Variants in PRMT9 observed in about 807,000 individuals in gnomAD.
PRMT9 encodes the protein protein arginine methyltransferase 9.
PRMT9 carries 59 observed loss-of-function variants against 83.2 expected under a neutral mutation model. That is an observed-to-expected ratio of 0.71 (90% CI 0.57 to 0.88). The LOEUF is 0.88. PRMT9 is among the 40% of genes least tolerant of loss of function. The pLI is 0.00. For missense variants in PRMT9, 947 were observed against 1,021.9 expected, an observed-to-expected ratio of 0.93 and a Z score of 1.00; for synonymous variants, 333 against 353.2, an observed-to-expected ratio of 0.94 and a Z score of 0.64.
At position 147,646,210 on chromosome 4, in the gene PRMT9, A is replaced by C. The variant is rs1445989875; in HGVS notation, c.2046-3270T>G. 2.0e-5 allele frequency among the ~76,000 whole-genome samples: 3 copies of C among 152,200 alleles called. No homozygotes were observed. The East Asian group carries it at 5.8e-4, about 29-fold the overall frequency. ...GGATCAAGTTTAATCCTGAAAACTCATGTTATTATCTGAACAACTGAAGTT... is the reference window on the plus strand; with the variant it reads ...GGATCAAGTTTAATCCTGAAAACTCCTGTTATTATCTGAACAACTGAAGTT... On this transcript the variant is annotated intron_variant, in intron 9 of 11. Transcript: ENST00000322396.
chr4:147,657,700 CTT>C (rs1309422708), intron 8 of PRMT9, 90 bp downstream of exon 8: 1 of 954,662 alleles, frequency 1.0e-6, no homozygotes, highest in Non-Finnish European at 1.6e-6. Flanking sequence ...TGACTGAAAC[CTT>C]CATATCCAAA....
chr4:147,661,206 A>G (rs1392727198), intron 6 of PRMT9, 168 bp from the exon 7 acceptor site: 2 of 577,106 alleles, frequency 3.5e-6, no homozygotes, highest in Admixed American at 3.2e-5. Context: ...ACCACTAACT[A>G]TAAAGGAAAA....
At chr4:147,670,783 T>C in intron 4 of PRMT9, 40 bp from the exon 5 acceptor site, 1 of 1,280,282 alleles carries the variant, frequency 7.8e-7, no homozygotes, top group Non-Finnish European at 1.1e-6. Flanking sequence ...AAGTAAAATA[T>C]CATGCTATTA....
At chr4:147,670,015 G>A (rs1017263879) in intron 5 of PRMT9, among the ~76,000 whole-genome samples, 5 of 152,052 alleles carry the variant, frequency 3.3e-5, no homozygotes, top group Non-Finnish European at 5.9e-5. Context: ...AAGTACCTCC[G>A]TTTTTCAACC....
At chr4:147,643,286 CA>C (rs994174633) in intron 9 of PRMT9, among the ~76,000 whole-genome samples, 1 of 149,920 alleles carries the variant, frequency 6.7e-6, no homozygotes, top group African/African-American at 2.5e-5. Context: ...TAAAATAAAA[CA>C]AAAAAAAACC....
intron 1 of PRMT9, among the ~76,000 whole-genome samples, chr4:147,682,284 A>T (rs984971713): frequency 1.3e-5 from 2 of 152,032 alleles, no homozygotes; most frequent in Admixed American, 1.3e-4. Flanking sequence ...GGTTCAAGCA[A>T]TTCTCCTGCC....
intron 10 of PRMT9, among the ~76,000 whole-genome samples, chr4:147,642,578 T>G (rs1261592155): frequency 1.3e-5 from 2 of 152,188 alleles, no homozygotes; most frequent in Non-Finnish European, 2.9e-5. Flanking sequence ...ATGACAAAAT[T>G]CCTTGGTTAT....
chr4:147,666,868 A>ACCTACACC (rs1196806239), intron 6 of PRMT9, among the ~76,000 whole-genome samples: 6 of 151,598 alleles, frequency 4.0e-5, no homozygotes, highest in African/African-American at 1.5e-4. Context: ...ATTCATCCAG[A>ACCTACACC]CCTACACCTA....
At chr4:147,651,768 G>A (rs1041805677) in intron 9 of PRMT9, among the ~76,000 whole-genome samples, 2 of 152,314 alleles carry the variant, frequency 1.3e-5, no homozygotes, top group East Asian at 1.9e-4. Context: ...GGTCTCAAGA[G>A]TTAGTTAAAC....
chr4:147,665,555 T>C (rs1735270314), intron 6 of PRMT9, among the ~76,000 whole-genome samples: 1 of 152,158 alleles, frequency 6.6e-6, no homozygotes, highest in Non-Finnish European at 1.5e-5. Flanking sequence ...TTTGAGCACT[T>C]CCTCACTTTC....
rs570102668 is a variant in PRMT9 at position 147,669,527 on chromosome 4, T to C, written c.847-882A>G. 1.6e-3 allele frequency among the ~76,000 whole-genome samples: 249 copies of C among 152,216 alleles called. 1 individual carries two copies. Among genetic ancestry groups the C allele is most frequent in the African/African-American group, 5.8e-3 (240 of 41,544 alleles). On this transcript the variant is annotated intron_variant, in intron 5 of 11. Coordinates refer to ENST00000322396, the MANE Select transcript of PRMT9 (RefSeq NM_138364.4). ...TAGAAAAAAAGACTTGGGTATGACTTTGATCAAGAAATCAGTATCAATACC... is the reference window on the plus strand; with the variant it reads ...TAGAAAAAAAGACTTGGGTATGACTCTGATCAAGAAATCAGTATCAATACC...
chr4:147,658,156 T>C (rs1298689171), intron 7 of PRMT9, among the ~76,000 whole-genome samples, 181 bp from the exon 8 acceptor site: 1 of 151,774 alleles, frequency 6.6e-6, no homozygotes, highest in Non-Finnish European at 1.5e-5. Flanking sequence ...CCTATTTTAT[T>C]GGAATACCAT....
At chr4:147,666,583 C>G (rs1360843055) in intron 6 of PRMT9, among the ~76,000 whole-genome samples, 1 of 152,116 alleles carries the variant, frequency 6.6e-6, no homozygotes, top group Non-Finnish European at 1.5e-5. Flanking sequence ...CTTTCTGCAT[C>G]AATACATTGC....
At chr4:147,664,881 G>C (rs1197828394) in intron 6 of PRMT9, among the ~76,000 whole-genome samples, 1 of 151,916 alleles carries the variant, frequency 6.6e-6, no homozygotes. Context: ...TGGGGAGGCC[G>C]AGGCAAGCAG....
At chr4:147,661,265 A>G in intron 6 of PRMT9, 1 of 392,540 alleles carries the variant, frequency 2.5e-6, no homozygotes. Context: ...GCTCACTAAA[A>G]AAAAAAAAAA....
chr4:147,673,657 C>A lies in PRMT9; in HGVS notation c.556G>T (p.Ala186Ser), dbSNP rs1335434111. The change falls in exon 3 of 12, where the codon GCA (alanine) becomes TCA (serine). Residue 186 changes from alanine to serine, a missense_variant. Physicochemically the swap from Ala to Ser is moderately conservative, Grantham distance 99. Transcript: ENST00000322396. ...ACCAACCTTAGTATTCCAGTTCCTG[C>A]TCCAATGTCCAAAACACTTTTGGAC... ...LGSKSVLDIG[A>S]GTGILSMFAK... is the part of the protein sequence containing the mutation. The A allele has an allele frequency of 6.2e-7, 1 of 1,609,178 alleles. No individual in the cohort carries two copies. Among genetic ancestry groups the A allele is most frequent in the Non-Finnish European group, 8.5e-7 (1 of 1,175,576 alleles).
In PRMT9 at chr4:147,660,951, T is replaced by G; in HGVS notation, c.1041A>C (p.Glu347Asp). The change falls in exon 7 of 12, where the codon GAA becomes GAC. Residue 347 changes from glutamate (E) to aspartate (D), a missense_variant. Transcript: ENST00000322396. ...SPAYSSVDTEETIEPYTTEKM... is the reference protein window; with the variant it reads ...SPAYSSVDTEDTIEPYTTEKM... ...TTTCAGTTGTATAAGGTTCAATTGT[T>G]TCTTCAGTATCTACAGAAGAATAAG... The G allele has an allele frequency of 6.2e-7, 1 of 1,612,918 alleles. No individual in the cohort carries two copies. Among genetic ancestry groups the G allele is most frequent in the Non-Finnish European group, 8.5e-7 (1 of 1,178,948 alleles).
intron 4 of PRMT9, chr4:147,671,744 C>T (rs1735747268): frequency 2.4e-6 from 1 of 422,720 alleles, no homozygotes; most frequent in Admixed American, 2.9e-5. Flanking sequence ...AATCTGGAAT[C>T]CATAGCTCCT....
intron 6 of PRMT9, among the ~76,000 whole-genome samples, chr4:147,668,194 T>G (rs1427133950): frequency 6.6e-6 from 1 of 152,190 alleles, no homozygotes; most frequent in Admixed American, 6.5e-5. Flanking sequence ...CAAATTGTAA[T>G]CCCCACAAGT....
Sources: allele counts gnomAD v4.1 joint callset (sites outside exome capture counted in the v4.1 genomes callset), GRCh38; gene constraint gnomAD v4.1.1; transcripts MANE v1.5; gene names NCBI Gene and HGNC (gene_info 2026-07-23, HGNC 2026-07-21).